NTM: variants seen among roughly 807,000 people sequenced by gnomAD.
The protein encoded by NTM is IgLON family member 2.
NTM carries 13 observed loss-of-function variants against 42.1 expected under a neutral mutation model. The ratio of observed to expected loss-of-function variants is 0.31; its 90% CI spans 0.20 to 0.49. The LOEUF is 0.49. NTM is among the 20% of genes least tolerant of loss of function. The pLI is 0.99. For synonymous variants in NTM, 187 were observed against 179.2 expected (o/e 1.04, Z -0.35); for missense variants, 373 against 452.8 (o/e 0.82, Z 1.60).
intron 2 of NTM, among the ~76,000 whole-genome samples, chr11:132,078,110 A>G (rs910937883): frequency 9.9e-5 from 15 of 152,218 alleles, no homozygotes; most frequent in African/African-American, 3.4e-4. Context: ...CTCAGTGTCT[A>G]CTTTGAACAC....
At chr11:131,643,916 G>T (rs1344573170) in intron 1 of NTM, among the ~76,000 whole-genome samples, 1 of 152,138 alleles carries the variant, frequency 6.6e-6, no homozygotes. Context: ...ACCACAACAT[G>T]GGTTCTGCTT....
intron 2 of NTM, among the ~76,000 whole-genome samples, chr11:131,971,542 A>G (rs539937963): frequency 2.0e-5 from 3 of 152,154 alleles, no homozygotes; most frequent in East Asian, 1.9e-4. Flanking sequence ...GTCTCTTACC[A>G]TTTGTCAGTG....
chr11:131,633,342 T>C (rs1224150390), intron 1 of NTM, among the ~76,000 whole-genome samples: 4 of 152,204 alleles, frequency 2.6e-5, no homozygotes, highest in African/African-American at 9.7e-5. Context: ...AAATGGAACT[T>C]AATGTCTTGT....
In NTM at chr11:132,153,196, T is replaced by C. The variant is rs1032345138; in HGVS notation, c.400+6682T>C. On this transcript the variant is annotated intron_variant, in intron 3 of 8. Coordinates refer to ENST00000683400, the MANE Select transcript of NTM (RefSeq NM_001352005.2). ...GGCCTCAGAGTCTAACACCATAGGA[T>C]TGAGAAACATGGCTCTGATTCCTTC... Among the ~76,000 whole-genome samples the C allele has an allele frequency of 1.2e-4, 18 of 152,236 alleles. No homozygotes were observed. In the East Asian group the frequency reaches 3.3e-3, roughly 28 times the overall value.
chr11:132,319,283 G>A (rs1019494214), intron 7 of NTM, among the ~76,000 whole-genome samples: 2 of 152,190 alleles, frequency 1.3e-5, no homozygotes, highest in Non-Finnish European at 1.5e-5. Flanking sequence ...AGGACAGTGG[G>A]TGCAGCTCAC....
intron 2 of NTM, among the ~76,000 whole-genome samples, chr11:131,946,634 ATC>A (rs1374404204): frequency 7.9e-5 from 12 of 152,200 alleles, no homozygotes; most frequent in African/African-American, 2.9e-4. Context: ...TTTTACATTC[ATC>A]TCTAACCCTA....
intron 1 of NTM, among the ~76,000 whole-genome samples, chr11:131,403,760 T>C (rs895417264): frequency 7.9e-5 from 12 of 152,188 alleles, no homozygotes; most frequent in African/African-American, 2.9e-4. Context: ...TCATATTTCA[T>C]TGAGAAAACA....
chr11:131,401,795 TG>T (rs1945164054), intron 1 of NTM, among the ~76,000 whole-genome samples: 1 of 92,970 alleles, frequency 1.1e-5, no homozygotes, highest in Non-Finnish European at 2.1e-5. Flanking sequence ...GTCAGGCCAC[TG>T]GAAATATATA....
intron 4 of NTM, among the ~76,000 whole-genome samples, chr11:132,269,328 T>G (rs1301028913): frequency 2.0e-5 from 3 of 152,168 alleles, no homozygotes; most frequent in African/African-American, 7.2e-5. Flanking sequence ...TAAGTCTTCC[T>G]TTTGTGCTTC....
intron 2 of NTM, among the ~76,000 whole-genome samples, chr11:131,954,291 G>C (rs931595048): frequency 2.0e-5 from 3 of 152,212 alleles, no homozygotes; most frequent in Non-Finnish European, 4.4e-5. Flanking sequence ...GAGAGGCAGG[G>C]CTAGCCTGCT....
chr11:131,787,956 G>A (rs2089544795), intron 1 of NTM, among the ~76,000 whole-genome samples: 1 of 152,122 alleles, frequency 6.6e-6, no homozygotes, highest in African/African-American at 2.4e-5. Context: ...ACTTCAATCT[G>A]TCTGGACTCA....
At chr11:132,089,024 G>A (rs759802851) in intron 2 of NTM, among the ~76,000 whole-genome samples, 7 of 152,162 alleles carry the variant, frequency 4.6e-5, no homozygotes, top group African/African-American at 7.2e-5. Flanking sequence ...GCCCTTGTTT[G>A]ATGAGAGGAA....
chr11:132,116,231 C>G (rs117926684), intron 2 of NTM, among the ~76,000 whole-genome samples: 1 of 152,276 alleles, frequency 6.6e-6, no homozygotes, highest in East Asian at 1.9e-4. Flanking sequence ...TCCACACACT[C>G]CATAGGGCTG....
At chr11:132,135,508 G>A (rs1345923188) in intron 2 of NTM, among the ~76,000 whole-genome samples, 1 of 152,206 alleles carries the variant, frequency 6.6e-6, no homozygotes, top group Non-Finnish European at 1.5e-5. Flanking sequence ...AGGTGTAAGG[G>A]AAGCCAGGCA....
intron 1 of NTM, among the ~76,000 whole-genome samples, chr11:131,637,478 G>C (rs2064550402): frequency 6.6e-6 from 1 of 151,584 alleles, no homozygotes; most frequent in South Asian, 2.1e-4. Context: ...ATGGCCCACT[G>C]TCTAGATCAT....
intron 2 of NTM, among the ~76,000 whole-genome samples, chr11:131,972,057 A>AAAAAAAAAAAAAAAAAT (rs2063632201): frequency 6.7e-6 from 1 of 149,136 alleles, no homozygotes; most frequent in Non-Finnish European, 1.5e-5. Flanking sequence ...AAAAAAAAAA[A>AAAAAAAAAAAAAAAAAT]AAAAAATTAG....
intron 2 of NTM, among the ~76,000 whole-genome samples, chr11:132,047,830 C>G (rs913126093): frequency 3.3e-5 from 5 of 152,138 alleles, no homozygotes; most frequent in African/African-American, 1.2e-4. Flanking sequence ...CCAGAATTTT[C>G]TGTCTTACGT....
At chr11:131,617,384 CG>C (rs1289726665) in intron 1 of NTM, among the ~76,000 whole-genome samples, 5 of 152,128 alleles carry the variant, frequency 3.3e-5, no homozygotes, top group Non-Finnish European at 5.9e-5. Flanking sequence ...GCTGAGTTCC[CG>C]ATTCTACTGC....
At chr11:131,847,004 A>G (rs1031975411) in intron 1 of NTM, among the ~76,000 whole-genome samples, 4 of 152,224 alleles carry the variant, frequency 2.6e-5, no homozygotes, top group African/African-American at 9.6e-5. Flanking sequence ...CTCTGGCTTA[A>G]AAGCTATAAA....
Sources: allele counts gnomAD v4.1 joint callset (sites outside exome capture counted in the v4.1 genomes callset), GRCh38; gene constraint gnomAD v4.1.1; transcripts MANE v1.5; gene names NCBI Gene and HGNC (gene_info 2026-07-23, HGNC 2026-07-21).